FAH: variants seen among roughly 807,000 people sequenced by gnomAD.
FAH encodes fumarylacetoacetate hydrolase, also known as fumarylacetoacetase.
Under a neutral mutation model 55.8 loss-of-function variants are expected in FAH, and 47 were observed. The ratio of observed to expected loss-of-function variants is 0.84; its 90% CI spans 0.67 to 1.07. FAH has a LOEUF of 1.07. Among genes scored for constraint, FAH ranks in the 50% least tolerant of loss-of-function variants. The pLI is 0.00. For synonymous variants in FAH, 199 were observed against 207.7 expected (o/e 0.96, Z 0.36); for missense variants, 495 against 545.9 (o/e 0.91, Z 0.93).
chr15:80,180,468 C>T (rs1032237241), intron 12 of FAH: 1 of 540,060 alleles, frequency 1.9e-6, no homozygotes, highest in Non-Finnish European at 3.3e-6. Context: ...GGGAGCAGCG[C>T]AGTGACACGT....
intron 12 of FAH, 120 bp downstream of exon 12, chr15:80,180,345 C>A (rs1400689029): frequency 2.8e-5 from 21 of 760,618 alleles, no homozygotes; most frequent in Non-Finnish European, 4.3e-5. Context: ...GTGTATCTCA[C>A]AACTCTGTCT....
chr15:80,177,081 C>T (rs902946560), intron 10 of FAH, among the ~76,000 whole-genome samples: 4 of 152,168 alleles, frequency 2.6e-5, no homozygotes, highest in South Asian at 2.1e-4. Flanking sequence ...TTGTTTAGTA[C>T]GTTGTGAAGT....
At chr15:80,179,835 T>TGG (rs1414280883) in intron 11 of FAH, among the ~76,000 whole-genome samples, 1 of 151,996 alleles carries the variant, frequency 6.6e-6, no homozygotes, top group African/African-American at 2.4e-5. Context: ...GGTCAGCCCT[T>TGG]AGGGGATGCT....
At position 80,160,434 on chromosome 15, in the gene FAH, C is replaced by A; in HGVS notation, c.339C>A (p.Ala113=). The A allele has an allele frequency of 6.2e-7, 1 of 1,614,208 alleles. No individual in the cohort carries two copies. The highest frequency in any genetic ancestry group is 1.1e-5 in the South Asian group (1 of 91,080). ...RKCAFISQAS[A]TMHLPATIGD... The stretch of plus-strand genomic sequence containing the variant: ...GTGCATTCATCTCCCAGGCTTCTGC[C>A]ACGATGCACCTTCCAGCCACCATAG... Residue 113 remains alanine (A), a synonymous_variant, in exon 4 of 14, where the codon GCC becomes GCA. Coordinates refer to ENST00000561421, the MANE Select transcript of FAH (RefSeq NM_000137.4).
rs1042315224 is a variant in FAH at position 80,157,952 on chromosome 15, C to T, written c.82-108C>T. 1.5e-5 allele frequency: 12 copies of T among 806,228 alleles called. No individual in the cohort carries two copies. In the African/African-American group the frequency reaches 2.0e-4, roughly 14 times the overall value. The allele number at this position is 806,228 out of a possible 1,614,324, so 49.9% of individuals were successfully genotyped here. A position where few individuals can be genotyped will look rare whatever the true frequency, so the allele number is the denominator to read the frequency against. On this transcript the variant is annotated intron_variant, in intron 1 of 13. Coordinates refer to ENST00000561421, the MANE Select transcript of FAH (RefSeq NM_000137.4). ...CTTCAGTCCGCTCTGCATACAGGGC[C>T]ACCTAAAGGGGGACCTGTGGACTCT...
chr15:80,182,529 C>A (rs920205965), intron 13 of FAH, among the ~76,000 whole-genome samples: 11 of 152,212 alleles, frequency 7.2e-5, no homozygotes, highest in Non-Finnish European at 1.5e-5. Context: ...CCCATTTCTG[C>A]AGCCTAATTA....
chr15:80,169,430 G>A (rs1285813998), intron 7 of FAH, among the ~76,000 whole-genome samples: 1 of 152,108 alleles, frequency 6.6e-6, no homozygotes, highest in African/African-American at 2.4e-5. Flanking sequence ...ATTACCACGA[G>A]TGACAAGAGT....
intron 10 of FAH, among the ~76,000 whole-genome samples, chr15:80,175,813 G>A (rs906153539): frequency 2.6e-5 from 4 of 152,214 alleles, no homozygotes; most frequent in African/African-American, 9.6e-5. Flanking sequence ...TTGACCTCAT[G>A]GTGTGTTGTG....
At chr15:80,160,279 T>C (rs1456747100) in intron 3 of FAH, 131 bp from the exon 4 acceptor site, 3 of 916,878 alleles carry the variant, frequency 3.3e-6, no homozygotes, top group Middle Eastern at 2.7e-4. Context: ...AGCATAGCTC[T>C]GGCCCCAGGC....
intron 10 of FAH, among the ~76,000 whole-genome samples, chr15:80,175,416 G>A (rs1428846095): frequency 1.3e-5 from 2 of 152,206 alleles, no homozygotes; most frequent in Middle Eastern, 3.4e-3. Context: ...CTCACATATC[G>A]CCACTGACCC....
intron 11 of FAH, among the ~76,000 whole-genome samples, chr15:80,178,964 C>T (rs12591114): frequency 0.29 from 44,637 of 152,112 alleles, 6,808 homozygotes; most frequent in East Asian, 0.47. Flanking sequence ...TTGGCTATCA[C>T]AGAGTTACTG....
chr15:80,183,869 C>T (rs181658626), intron 13 of FAH, among the ~76,000 whole-genome samples: 5 of 152,264 alleles, frequency 3.3e-5, no homozygotes, highest in East Asian at 1.9e-4. Flanking sequence ...ATCACACAGG[C>T]GATAAAGGGT....
At chr15:80,184,692 A>C (rs973943912) in intron 13 of FAH, among the ~76,000 whole-genome samples, 2 of 152,180 alleles carry the variant, frequency 1.3e-5, no homozygotes, top group African/African-American at 4.8e-5. Flanking sequence ...GACAAAGGGC[A>C]TCCCTGCATG....
At chr15:80,184,897 C>G (rs112644443) in intron 13 of FAH, among the ~76,000 whole-genome samples, 68 of 152,252 alleles carry the variant, frequency 4.5e-4, no homozygotes, top group African/African-American at 1.3e-3. Flanking sequence ...AGATATCCCC[C>G]CTTCCTGCTC....
intron 11 of FAH, among the ~76,000 whole-genome samples, chr15:80,179,264 G>T (rs2041310047): frequency 6.6e-6 from 1 of 152,208 alleles, no homozygotes; most frequent in Admixed American, 6.5e-5. Flanking sequence ...AGCTGGGCAT[G>T]TTAGTCATAT....
chr15:80,163,568 A>G (rs2041167670), intron 5 of FAH: 1 of 152,248 alleles, frequency 6.6e-6, no homozygotes, highest in Admixed American at 6.5e-5. Flanking sequence ...CCTTCTGCAG[A>G]ATAAGAGTAA....
rs2041069915 is a variant in FAH, at chr15:80,153,287, A to G, written c.81+152A>G. On this transcript the variant is annotated intron_variant, in intron 1 of 13. Transcript: ENST00000561421. Reference sequence around the variant, plus strand: ...TAAGATTCGTTCCGTGAGAGTGCCTATGGGCTCGAGTCCCGCCTCGTAACT... The same window carrying G: ...TAAGATTCGTTCCGTGAGAGTGCCTGTGGGCTCGAGTCCCGCCTCGTAACT... The G allele has an allele frequency of 1.9e-5, 13 of 694,284 alleles. No individual in the cohort carries two copies. In the South Asian group the frequency reaches 2.1e-4, roughly 11 times the overall value. 43.0% of individuals were successfully genotyped at this position (694,284 alleles called of 1,614,324 possible). A position where few individuals can be genotyped will look rare whatever the true frequency, so the allele number is the denominator to read the frequency against.
Position 80,160,424 on chromosome 15 carries a change from A to G in FAH, c.329A>G (p.Gln110Arg). Reference sequence around the variant, plus strand: ...CTGTGTTTCAGTGCATTCATCTCCCAGGCTTCTGCCACGATGCACCTTCCA... The same window carrying G: ...CTGTGTTTCAGTGCATTCATCTCCCGGGCTTCTGCCACGATGCACCTTCCA... ...TELRKCAFISQASATMHLPAT... is the reference protein window; with the variant it reads ...TELRKCAFISRASATMHLPAT... The change falls in exon 4 of 14, where the codon CAG (glutamine) becomes CGG (arginine). Residue 110 changes from glutamine to arginine, a missense_variant. Physicochemically the swap from Gln to Arg is conservative, Grantham distance 43. Coordinates refer to ENST00000561421, the MANE Select transcript of FAH (RefSeq NM_000137.4). 6.2e-7 allele frequency: 1 copy of G among 1,614,202 alleles called. No individual in the cohort carries two copies. Among genetic ancestry groups the G allele is most frequent in the African/African-American group, 1.3e-5 (1 of 75,064 alleles).
chr15:80,179,517 C>T (rs972057681), intron 11 of FAH, among the ~76,000 whole-genome samples: 13 of 151,868 alleles, frequency 8.6e-5, no homozygotes, highest in South Asian at 6.3e-4. Context: ...CAGGCATGGG[C>T]GTGCATTGCA....
Sources: allele counts gnomAD v4.1 joint callset (sites outside exome capture counted in the v4.1 genomes callset), GRCh38; gene constraint gnomAD v4.1.1; transcripts MANE v1.5; gene names NCBI Gene and HGNC (gene_info 2026-07-23, HGNC 2026-07-21).